The following CDH13 variants were observed in gnomAD, a reference collection of about 807,000 sequenced individuals.
CDH13 encodes cadherin-13.
In CDH13, 24 loss-of-function variants were observed where a neutral mutation model predicts 63.8. The ratio of observed to expected loss-of-function variants is 0.38; its 90% confidence interval spans 0.27 to 0.53. The LOEUF is 0.53. Among genes scored for constraint, CDH13 ranks in the 20% least tolerant of loss-of-function variants. The probability of loss-of-function intolerance (pLI) is 0.85; values close to 1 mark genes in which losing one functional copy is unlikely to be tolerated. For missense variants in CDH13, 1,049 were observed against 903.1 expected, an observed-to-expected ratio of 1.16 and a Z score of -2.07; for synonymous variants, 503 against 355.3, an observed-to-expected ratio of 1.42 and a Z score of -4.67.
Position 82,858,477 on chromosome 16 carries a change from A to T in CDH13, c.157+4A>T, listed in dbSNP as rs1378640440. 4 of 1,539,484 alleles carry T rather than the reference A, an allele frequency of 2.6e-6. No homozygotes were observed. The Admixed American group carries it at 6.7e-5, about 26-fold the overall frequency. ...GAGGACCAGTCAATTCTAAACTGTA[A>T]GCAATGTCACTCAAAGATGCTTTTA... is the stretch of plus-strand genomic sequence containing the variant. On this transcript the variant is annotated splice_donor_region_variant and intron_variant, in intron 2 of 13. Coordinates refer to ENST00000567109, the MANE Select transcript of CDH13 (RefSeq NM_001257.5).
intron 1 of CDH13, among the ~76,000 whole-genome samples, chr16:82,718,764 G>A (rs1287649598): frequency 6.6e-6 from 1 of 152,086 alleles, no homozygotes; most frequent in Non-Finnish European, 1.5e-5. Flanking sequence ...CACAAGAACA[G>A]CATGGGAAAG....
chr16:82,742,887 A>G (rs1379584091), intron 1 of CDH13, among the ~76,000 whole-genome samples: 1 of 152,244 alleles, frequency 6.6e-6, no homozygotes, highest in Non-Finnish European at 1.5e-5. Context: ...TTAAAAACAA[A>G]TTGATTGGTT....
chr16:83,715,378 C>T (rs1908732854), intron 10 of CDH13, among the ~76,000 whole-genome samples: 1 of 152,178 alleles, frequency 6.6e-6, no homozygotes, highest in South Asian at 2.1e-4. Flanking sequence ...CTTACCCTGG[C>T]AGGTGGTGCC....
intron 4 of CDH13, among the ~76,000 whole-genome samples, chr16:83,165,716 G>A (rs1042698285): frequency 6.6e-6 from 1 of 152,096 alleles, no homozygotes; most frequent in Non-Finnish European, 1.5e-5. Context: ...TTCCAAGATG[G>A]CTTAAAAATA....
rs139918625 is a variant in CDH13, at chr16:83,097,477, T to C, written c.367-27908T>C. ...CATATGATCAAAGTCTATAAAATAA[T>C]GAACCATGCATAATTGCAGCAGAGT... On this transcript the variant is annotated intron_variant, in intron 3 of 13. Coordinates refer to ENST00000567109, the MANE Select transcript of CDH13 (RefSeq NM_001257.5). Among the ~76,000 whole-genome samples, 484 of 152,302 alleles carry C rather than the reference T, an allele frequency of 3.2e-3. 6 individuals carry two copies. Among genetic ancestry groups the C allele is most frequent in the African/African-American group, 0.011 (452 of 41,558 alleles).
intron 6 of CDH13, among the ~76,000 whole-genome samples, chr16:83,468,347 T>G (rs960952720): frequency 6.6e-6 from 1 of 152,100 alleles, no homozygotes; most frequent in Non-Finnish European, 1.5e-5. Context: ...AGCCAAAGAA[T>G]GTAGATAGCT....
intron 3 of CDH13, among the ~76,000 whole-genome samples, chr16:83,066,279 C>T (rs2032003312): frequency 6.6e-6 from 1 of 152,168 alleles, no homozygotes; most frequent in East Asian, 1.9e-4. Context: ...GATACGGGAG[C>T]TTCCTAAGAC....
chr16:83,095,562 C>A (rs925861120), intron 3 of CDH13, among the ~76,000 whole-genome samples: 1 of 152,138 alleles, frequency 6.6e-6, no homozygotes, highest in Non-Finnish European at 1.5e-5. Flanking sequence ...ATTTTTCTAA[C>A]CCAATAGACT....
rs34106627 is a variant in CDH13 at position 83,783,266 on chromosome 16, T to G, written c.1928T>G (p.Leu643Arg). 3.0e-3 allele frequency: 4,905 copies of G among 1,613,530 alleles called. 13 individuals carry two copies. The highest frequency in any genetic ancestry group is 9.8e-3 in the African/African-American group (732 of 75,032). ...KISKINNTHA[L>R]VSLLQNLNKA... ...CTTGCCTTTACAGATACACACGCCC[T>G]GGTAAGCCTTCTTCAAAATCTGAAC... The change falls in exon 13 of 14, where the codon CTG becomes CGG. Residue 643 changes from leucine to arginine, a missense_variant. By Grantham distance (102) the Leu-to-Arg change is moderately radical. Coordinates refer to ENST00000567109, the MANE Select transcript of CDH13 (RefSeq NM_001257.5).
At chr16:82,760,356 G>A (rs1478065013) in intron 1 of CDH13, among the ~76,000 whole-genome samples, 1 of 152,142 alleles carries the variant, frequency 6.6e-6, no homozygotes, top group African/African-American at 2.4e-5. Context: ...GGCTTAGGAA[G>A]TGGCCACATC....
chr16:83,599,272 G>A (rs1907559479), intron 7 of CDH13, among the ~76,000 whole-genome samples: 1 of 152,184 alleles, frequency 6.6e-6, no homozygotes, highest in Non-Finnish European at 1.5e-5. Flanking sequence ...TCCTTCTTAT[G>A]CCACCATCAT....
intron 7 of CDH13, among the ~76,000 whole-genome samples, chr16:83,568,211 A>T (rs566655356): frequency 1.3e-5 from 2 of 152,170 alleles, no homozygotes; most frequent in African/African-American, 4.8e-5. Flanking sequence ...AGCTGATCTG[A>T]TGTAAAATCT....
chr16:83,578,766 A>G (rs1344826072), intron 7 of CDH13, among the ~76,000 whole-genome samples: 3 of 152,220 alleles, frequency 2.0e-5, no homozygotes, highest in Non-Finnish European at 4.4e-5. Flanking sequence ...AGGAGAGACT[A>G]CTGGATACAG....
At chr16:83,632,154 A>G (rs1415346099) in intron 8 of CDH13, among the ~76,000 whole-genome samples, 1 of 152,176 alleles carries the variant, frequency 6.6e-6, no homozygotes, top group Admixed American at 6.5e-5. Context: ...ATGTTTCCTC[A>G]TTGTTACTCC....
chr16:82,904,866 T>C (rs1354572366), intron 2 of CDH13, among the ~76,000 whole-genome samples: 2 of 149,902 alleles, frequency 1.3e-5, no homozygotes, highest in South Asian at 2.1e-4. Context: ...TAAATGAACC[T>C]AGGTTTGTCC....
At chr16:83,206,014 T>G (rs1254906851) in intron 4 of CDH13, among the ~76,000 whole-genome samples, 1 of 152,050 alleles carries the variant, frequency 6.6e-6, no homozygotes, top group African/African-American at 2.4e-5. Context: ...GCTCTTACAG[T>G]GAGAACAGCC....
chr16:83,711,313 G>T (rs1013389010), intron 10 of CDH13, among the ~76,000 whole-genome samples: 1 of 152,148 alleles, frequency 6.6e-6, no homozygotes, highest in African/African-American at 2.4e-5. Context: ...AAACAATAGC[G>T]GGAAACAAAT....
At position 83,758,096 on chromosome 16, in the gene CDH13, AAT is replaced by A. The variant is rs1491069705; in HGVS notation, c.1681+9847_1681+9848del. On this transcript the variant is annotated intron_variant, in intron 11 of 13. Transcript: ENST00000567109. ...GCCCAGTGCTTATGGAAAAAAAAAA[AAT>A]GTTCTTGAAAACCAAAAAGAAAACT... Among the ~76,000 whole-genome samples, 503 of 152,212 alleles carry A rather than the reference AAT, an allele frequency of 3.3e-3. 3 individuals carry two copies. Among genetic ancestry groups the A allele is most frequent in the African/African-American group, 0.011 (475 of 41,562 alleles).
intron 4 of CDH13, among the ~76,000 whole-genome samples, chr16:83,162,410 G>T (rs888735635): frequency 6.6e-6 from 1 of 152,250 alleles, no homozygotes; most frequent in African/African-American, 2.4e-5. Flanking sequence ...ACATTTTACA[G>T]ATATTTACAC....
Sources: allele counts gnomAD v4.1 joint callset (sites outside exome capture counted in the v4.1 genomes callset), GRCh38; gene constraint gnomAD v4.1.1; transcripts MANE v1.5; gene names NCBI Gene and HGNC (gene_info 2026-07-23, HGNC 2026-07-21).